Variants in C8orf34 observed in about 807,000 individuals in gnomAD.
C8orf34 encodes the protein uncharacterized protein C8orf34.
C8orf34 carries 65 observed loss-of-function variants against 68.3 expected under a neutral mutation model. The ratio of observed to expected loss-of-function variants is 0.95; its 90% CI spans 0.78 to 1.17. The LOEUF (loss-of-function observed/expected upper bound fraction) is 1.17, where lower values mean the gene tolerates loss of function less well. Ranked by LOEUF, C8orf34 falls within the 50% of genes most tolerant of loss-of-function variation. The probability of loss-of-function intolerance (pLI) is 0.00; values close to 1 mark genes in which losing one functional copy is unlikely to be tolerated. For missense variants in C8orf34, 664 were observed against 655.4 expected (o/e 1.01, Z -0.14); for synonymous variants, 244 against 241.2 (o/e 1.01, Z -0.11).
intron 1 of C8orf34, among the ~76,000 whole-genome samples, chr8:68,418,220 T>C (rs1011952669): frequency 7.2e-6 from 1 of 139,010 alleles, no homozygotes; most frequent in African/African-American, 2.8e-5. Context: ...TTTCTAGATA[T>C]ACAATCATGT....
At chr8:68,782,328 G>C (rs957371608) in intron 11 of C8orf34, among the ~76,000 whole-genome samples, 1 of 151,614 alleles carries the variant, frequency 6.6e-6, no homozygotes, top group African/African-American at 2.4e-5. Context: ...GTGTAGCTCA[G>C]CAAGATCAAA....
chr8:68,763,638 G>C (rs7822136), intron 10 of C8orf34, among the ~76,000 whole-genome samples: 43,482 of 151,802 alleles, frequency 0.29, 6,725 homozygotes, highest in African/African-American at 0.39. Flanking sequence ...GAATATCCCC[G>C]ATCCCGTCAT....
At chr8:68,553,585 G>A (rs1462497289) in intron 7 of C8orf34, among the ~76,000 whole-genome samples, 1 of 151,854 alleles carries the variant, frequency 6.6e-6, no homozygotes, top group Non-Finnish European at 1.5e-5. Context: ...GGTTAGTTTT[G>A]ATAATTTATT....
intron 1 of C8orf34, among the ~76,000 whole-genome samples, chr8:68,340,101 G>A (rs1806009320): frequency 6.6e-6 from 1 of 152,006 alleles, no homozygotes; most frequent in South Asian, 2.1e-4. Flanking sequence ...TAAAAAGACT[G>A]ACTTTAATAA....
intron 7 of C8orf34, among the ~76,000 whole-genome samples, chr8:68,610,743 T>C (rs1370260076): frequency 6.6e-6 from 1 of 151,834 alleles, no homozygotes; most frequent in Non-Finnish European, 1.5e-5. Context: ...TAAAAGTAAC[T>C]AATGAGGGAA....
intron 1 of C8orf34, among the ~76,000 whole-genome samples, chr8:68,385,846 G>T (rs1808236428): frequency 6.6e-6 from 1 of 152,148 alleles, no homozygotes; most frequent in Non-Finnish European, 1.5e-5. Context: ...CCAGAACATG[G>T]CCTGTTCAGT....
At chr8:68,729,911 A>G (rs1208470075) in intron 10 of C8orf34, among the ~76,000 whole-genome samples, 1 of 152,146 alleles carries the variant, frequency 6.6e-6, no homozygotes, top group East Asian at 1.9e-4. Flanking sequence ...GTTCCAGATT[A>G]TTTTTCATAC....
At chr8:68,577,670 A>G (rs1309201686) in intron 7 of C8orf34, among the ~76,000 whole-genome samples, 2 of 152,006 alleles carry the variant, frequency 1.3e-5, no homozygotes, top group Non-Finnish European at 2.9e-5. Context: ...AAATCTAGAT[A>G]CAATTAAGTT....
intron 8 of C8orf34, among the ~76,000 whole-genome samples, chr8:68,643,686 C>G (rs1316076526): frequency 6.6e-6 from 1 of 152,034 alleles, no homozygotes; most frequent in Non-Finnish European, 1.5e-5. Context: ...CATGAGGGTT[C>G]CACCCTTGTG....
chr8:68,717,486 C>A (rs1333152477), intron 9 of C8orf34, among the ~76,000 whole-genome samples: 1 of 132,764 alleles, frequency 7.5e-6, no homozygotes, highest in African/African-American at 3.2e-5. Flanking sequence ...GAGCGAGACT[C>A]TGTCTCAAAA....
chr8:68,517,499 C>G (rs970550463), intron 5 of C8orf34, among the ~76,000 whole-genome samples: 1 of 152,164 alleles, frequency 6.6e-6, no homozygotes, highest in African/African-American at 2.4e-5. Context: ...CTGTTTGCAG[C>G]TCTTAGTATT....
At chr8:68,780,556 A>G (rs1320899534) in intron 11 of C8orf34, among the ~76,000 whole-genome samples, 1 of 152,180 alleles carries the variant, frequency 6.6e-6, no homozygotes, top group Non-Finnish European at 1.5e-5. Flanking sequence ...CTATTAATTT[A>G]TACTAATAGC....
chr8:68,405,853 A>T (rs1809168585), intron 1 of C8orf34, among the ~76,000 whole-genome samples: 1 of 152,206 alleles, frequency 6.6e-6, no homozygotes, highest in Non-Finnish European at 1.5e-5. Context: ...AATGAAACTT[A>T]GCGCTTTTAT....
At chr8:68,533,647 G>A (rs1815343909) in intron 7 of C8orf34, 2 of 982,110 alleles carry the variant, frequency 2.0e-6, no homozygotes, top group African/African-American at 3.5e-5. Context: ...AGTTTGCAGA[G>A]ATTTCAAAGT....
chr8:68,399,003 C>T (rs977472065), intron 1 of C8orf34, among the ~76,000 whole-genome samples: 2 of 152,008 alleles, frequency 1.3e-5, no homozygotes, highest in Non-Finnish European at 2.9e-5. Flanking sequence ...TAATCATTTT[C>T]GAACAAGGGA....
chr8:68,381,514 T>C (rs533664820), intron 1 of C8orf34, among the ~76,000 whole-genome samples: 3 of 151,068 alleles, frequency 2.0e-5, no homozygotes, highest in South Asian at 2.1e-4. Context: ...GGGTGGATCA[T>C]GAGGTCAGGA....
chr8:68,784,962 C>A (rs941342749), intron 11 of C8orf34, among the ~76,000 whole-genome samples: 3 of 152,006 alleles, frequency 2.0e-5, no homozygotes, highest in African/African-American at 7.3e-5. Flanking sequence ...TTTTAGAAAC[C>A]AAGATTGGGG....
chr8:68,617,063 G>T lies in C8orf34; in HGVS notation c.1106-23313G>T, dbSNP rs1263502326. ...TGTAATGGCCTTCTTTGTCTCTTTT[G>T]ATCTTTGTTGGTTTAAAGTCTGTTT... On this transcript the variant is annotated intron_variant, in intron 7 of 13. Coordinates refer to ENST00000518698, the MANE Select transcript of C8orf34 (RefSeq NM_052958.4). 2.6e-5 allele frequency among the ~76,000 whole-genome samples: 4 copies of T among 152,056 alleles called. No homozygotes were observed. In the South Asian group the frequency reaches 6.2e-4, roughly 24 times the overall value.
chr8:68,554,502 C>T (rs188190183), intron 7 of C8orf34, among the ~76,000 whole-genome samples: 25 of 152,194 alleles, frequency 1.6e-4, no homozygotes, highest in Admixed American at 1.5e-3. Flanking sequence ...ATATGAGGTA[C>T]AGTCACTCTT....
Sources: allele counts gnomAD v4.1 joint callset (sites outside exome capture counted in the v4.1 genomes callset), GRCh38; gene constraint gnomAD v4.1.1; transcripts MANE v1.5; gene names NCBI Gene and HGNC (gene_info 2026-07-23, HGNC 2026-07-21).